The following NRXN1 variants were observed in gnomAD, a reference collection of about 807,000 sequenced individuals.
NRXN1 encodes neurexin 1, also known as neurexin-1.
NRXN1 carries 39 observed loss-of-function variants against 150.9 expected under a neutral mutation model. The ratio of observed to expected loss-of-function variants is 0.26; its 90% confidence interval spans 0.20 to 0.34. The LOEUF (loss-of-function observed/expected upper bound fraction) is 0.34, where lower values mean the gene tolerates loss of function less well. NRXN1 is among the 10% of genes least tolerant of loss of function. The pLI is 1.00. For synonymous variants in NRXN1, 924 were observed against 757.0 expected (o/e 1.22, Z -3.62); for missense variants, 1,815 against 1,949.9 (o/e 0.93, Z 1.30).
At position 50,497,605 on chromosome 2, in the gene NRXN1, C is replaced by T. The variant is rs1440214016; in HGVS notation, c.2607G>A (p.Leu869=). The T allele has an allele frequency of 6.2e-7, 1 of 1,613,898 alleles. No homozygotes were observed. Among genetic ancestry groups the T allele is most frequent in the Non-Finnish European group, 8.5e-7 (1 of 1,179,860 alleles). Residue 869 remains leucine, a synonymous_variant, in exon 14 of 23, where the codon CTG becomes CTA. Transcript: ENST00000401669. ...SSVPSNFIGH[L]QSLTFNGMAY... is the part of the protein sequence containing the mutation. Reference sequence around the variant, plus strand: ...CCATTCCATTAAATGTCAAGCTCTGCAGGTGTCCAATGAAGTTGGAGGGGA... The same window carrying T: ...CCATTCCATTAAATGTCAAGCTCTGTAGGTGTCCAATGAAGTTGGAGGGGA...
chr2:50,379,326 T>C (rs1004184187), intron 17 of NRXN1, among the ~76,000 whole-genome samples: 2 of 152,140 alleles, frequency 1.3e-5, no homozygotes, highest in Non-Finnish European at 2.9e-5. Context: ...CTAAGAATGG[T>C]TGCAGAGAAA....
chr2:50,759,271 T>G, intron 5 of NRXN1, among the ~76,000 whole-genome samples: 1 of 151,924 alleles, frequency 6.6e-6, no homozygotes, highest in Non-Finnish European at 1.5e-5. Context: ...AACCCCACAG[T>G]GCACTGGGTA....
At chr2:50,314,139 T>C (rs1027445725) in intron 17 of NRXN1, among the ~76,000 whole-genome samples, 1 of 152,096 alleles carries the variant, frequency 6.6e-6, no homozygotes, top group African/African-American at 2.4e-5. Flanking sequence ...TTAATCTTAA[T>C]AATGGAAGAT....
chr2:50,518,108 C>A (rs535193193), intron 12 of NRXN1, among the ~76,000 whole-genome samples: 47 of 151,682 alleles, frequency 3.1e-4, no homozygotes, highest in African/African-American at 1.1e-3. Flanking sequence ...TATTTCAATG[C>A]GAAAAACATA....
intron 5 of NRXN1, among the ~76,000 whole-genome samples, chr2:50,716,589 C>A (rs1695895023): frequency 6.6e-6 from 1 of 152,140 alleles, no homozygotes; most frequent in South Asian, 2.1e-4. Flanking sequence ...AGCTCATTTG[C>A]TATGATAATG....
At chr2:50,112,481 C>A (rs1396854496) in intron 18 of NRXN1, among the ~76,000 whole-genome samples, 1 of 152,246 alleles carries the variant, frequency 6.6e-6, no homozygotes, top group Non-Finnish European at 1.5e-5. Context: ...CGACTTTAGT[C>A]TTGATGAGTC....
In NRXN1 at chr2:50,610,514, T is replaced by C. The variant is rs908211507; in HGVS notation, c.1320+9508A>G. On this transcript the variant is annotated intron_variant, in intron 8 of 22. Transcript: ENST00000401669. Reference sequence around the variant, plus strand: ...TTAGAGAAATTTTTCATACCTCACTTAGGAAGCTTGTATTGTAAATCTATA... The same window carrying C: ...TTAGAGAAATTTTTCATACCTCACTCAGGAAGCTTGTATTGTAAATCTATA... Among the ~76,000 whole-genome samples the C allele has an allele frequency of 3.3e-5, 5 of 150,632 alleles. No individual in the cohort carries two copies. In the Admixed American group the frequency reaches 3.3e-4, roughly 10 times the overall value.
intron 5 of NRXN1, among the ~76,000 whole-genome samples, chr2:50,894,312 A>T (rs1445617115): frequency 1.3e-5 from 2 of 150,474 alleles, no homozygotes; most frequent in Non-Finnish European, 3.0e-5. Context: ...GACATGTCTA[A>T]AACAGTAAAA....
intron 5 of NRXN1, among the ~76,000 whole-genome samples, chr2:50,801,619 A>T (rs1707607455): frequency 6.6e-6 from 1 of 152,190 alleles, no homozygotes; most frequent in South Asian, 2.1e-4. Flanking sequence ...AATATGCACA[A>T]AAAACTTCAG....
chr2:50,409,358 C>T (rs1572864549), intron 17 of NRXN1, among the ~76,000 whole-genome samples: 1 of 152,138 alleles, frequency 6.6e-6, no homozygotes, highest in East Asian at 1.9e-4. Context: ...GAAAACAAAA[C>T]AAAACAAAAA....
At chr2:50,920,245 T>A (rs942237404) in intron 5 of NRXN1, among the ~76,000 whole-genome samples, 1 of 151,646 alleles carries the variant, frequency 6.6e-6, no homozygotes, top group Non-Finnish European at 1.5e-5. Context: ...TGAAAACTGG[T>A]GAAGTTAAAA....
intron 17 of NRXN1, among the ~76,000 whole-genome samples, chr2:50,253,954 C>T (rs1418625711): frequency 6.6e-6 from 1 of 150,642 alleles, no homozygotes; most frequent in African/African-American, 2.5e-5. Context: ...GAAGTCCCTC[C>T]TTTTCAATTG....
chr2:50,752,657 T>C lies in NRXN1; in HGVS notation c.833-129042A>G, dbSNP rs533228434. 1.8e-3 allele frequency among the ~76,000 whole-genome samples: 273 copies of C among 151,812 alleles called. 3 individuals carry two copies. In the Middle Eastern group the frequency reaches 0.027, roughly 15 times the overall value. ...AATTTTAAAGCAGATTTCTTCCCAT[T>C]ATGTGTATTCAACTGAAAGCCTATT... is the stretch of plus-strand genomic sequence containing the variant. On this transcript the variant is annotated intron_variant, in intron 5 of 22. Coordinates refer to ENST00000401669, the MANE Select transcript of NRXN1 (RefSeq NM_001330078.2).
intron 17 of NRXN1, among the ~76,000 whole-genome samples, chr2:50,371,765 C>T (rs200167886): frequency 6.6e-6 from 1 of 151,036 alleles, no homozygotes; most frequent in Non-Finnish European, 1.5e-5. Context: ...GTTACTGTTG[C>T]AATTTATAAG....
rs1685532048 is a variant in NRXN1, at chr2:50,918,511, A to G, written c.832+3358T>C. The G allele has an allele frequency of 8.3e-6, 3 of 361,788 alleles. No homozygotes were observed. The East Asian group carries it at 1.1e-4, about 14-fold the overall frequency. 22.4% of individuals were successfully genotyped at this position (361,788 alleles called of 1,614,324 possible). ...AGTACAAGCCTCCAATCAAAGTGCCAACATTCGCTGATAATTATTAACTTG... is the reference window on the plus strand; with the variant it reads ...AGTACAAGCCTCCAATCAAAGTGCCGACATTCGCTGATAATTATTAACTTG... On this transcript the variant is annotated intron_variant, in intron 5 of 22. Coordinates refer to ENST00000401669, the MANE Select transcript of NRXN1 (RefSeq NM_001330078.2).
intron 15 of NRXN1, among the ~76,000 whole-genome samples, chr2:50,474,691 A>AC (rs2089833722): frequency 6.7e-6 from 1 of 149,798 alleles, no homozygotes; most frequent in Admixed American, 6.7e-5. Context: ...AGCAAAAAAA[A>AC]AAAAAAAAAA....
chr2:50,428,943 C>A (rs963947030), intron 17 of NRXN1, among the ~76,000 whole-genome samples: 1 of 152,026 alleles, frequency 6.6e-6, no homozygotes, highest in Non-Finnish European at 1.5e-5. Flanking sequence ...CTTGTCTGAA[C>A]AATATGAAAC....
chr2:50,351,078 G>C (rs1464584861), intron 17 of NRXN1, among the ~76,000 whole-genome samples: 2 of 152,148 alleles, frequency 1.3e-5, no homozygotes, highest in Non-Finnish European at 1.5e-5. Context: ...AGCAAATAAA[G>C]CTTGTGTGTA....
At position 50,312,868 on chromosome 2, in the gene NRXN1, C is replaced by A. The variant is rs573298212; in HGVS notation, c.3365-75898G>T. 1.1e-4 allele frequency: 49 copies of A among 455,656 alleles called. 1 individual carries two copies. Among genetic ancestry groups the A allele is most frequent in the South Asian group, 7.4e-4 (48 of 64,548 alleles). The allele number at this position is 455,656 out of a possible 1,614,324, so 28.2% of individuals were successfully genotyped here. A position where few individuals can be genotyped will look rare whatever the true frequency, so the allele number is the denominator to read the frequency against. The stretch of plus-strand genomic sequence containing the variant: ...ATATAATTTTAAGTTTTGATAGAGG[C>A]AGGCAGTGCTTGAGCACTACATAAG... On this transcript the variant is annotated intron_variant, in intron 17 of 22. Transcript: ENST00000401669.
Sources: allele counts gnomAD v4.1 joint callset (sites outside exome capture counted in the v4.1 genomes callset), GRCh38; gene constraint gnomAD v4.1.1; transcripts MANE v1.5; gene names NCBI Gene and HGNC (gene_info 2026-07-23, HGNC 2026-07-21).